The following MAX variants were observed in gnomAD, a reference collection of about 807,000 sequenced individuals.
The protein encoded by MAX is MYC associated transcriptional regulator X.
Under a neutral mutation model 22.3 loss-of-function variants are expected in MAX, and 3 were observed. The ratio of observed to expected loss-of-function variants is 0.13; its 90% confidence interval spans 0.06 to 0.35. The LOEUF (loss-of-function observed/expected upper bound fraction) is 0.35. MAX is among the 10% of genes least tolerant of loss of function. The pLI, the probability that MAX is intolerant of heterozygous loss-of-function variation, is 1.00. For missense variants in MAX, 119 were observed against 209.4 expected (o/e 0.57, Z 2.66); for synonymous variants, 72 against 77.7 (o/e 0.93, Z 0.39).
intron 3 of MAX, among the ~76,000 whole-genome samples, chr14:65,024,328 A>C (rs1595045850): frequency 2.0e-5 from 3 of 151,820 alleles, no homozygotes; most frequent in Admixed American, 2.0e-4. Flanking sequence ...GGGTGTTGGG[A>C]TTTTTTTAAA....
Position 65,102,464 on chromosome 14 carries a change from C to G in MAX, c.-125G>C. 3 of 1,527,178 alleles carry G rather than the reference C, an allele frequency of 2.0e-6. No homozygotes were observed. Among genetic ancestry groups the G allele is most frequent in the Non-Finnish European group, 2.6e-6 (3 of 1,138,780 alleles). The allele number at this position is 1,527,178 out of a possible 1,614,324, so 94.6% of individuals were successfully genotyped here. A position where few individuals can be genotyped will look rare whatever the true frequency, so the allele number is the denominator to read the frequency against. Reference sequence around the variant, plus strand: ...ACACACACACTCACTCACTCACTCACTCGCTCTCTCACTCACACACACACA... The same window carrying G: ...ACACACACACTCACTCACTCACTCAGTCGCTCTCTCACTCACACACACACA... On this transcript the variant is annotated 5_prime_UTR_variant, in exon 1 of 5. Transcript: ENST00000358664.
At position 65,093,667 on chromosome 14, in the gene MAX, G is replaced by A. The variant is rs752952542; in HGVS notation, c.171+41C>T. 16 of 1,051,198 alleles carry A rather than the reference G, an allele frequency of 1.5e-5. No individual in the cohort carries two copies. Among genetic ancestry groups the A allele is most frequent in the Non-Finnish European group, 1.8e-5 (12 of 665,610 alleles). The allele number at this position is 1,051,198 out of a possible 1,614,324, so 65.1% of individuals were successfully genotyped here. ...TGCTAAGCTCTGCAACAAGTTCCAA[G>A]CTAGTAGTGGCCAGCTACTCAGCTT... On this transcript the variant is annotated intron_variant, in intron 3 of 4. Transcript: ENST00000358664. This position sits in a 1 kb window ranked among gnomAD's most constrained non-coding sequence, Gnocchi z 4.4.
rs972111807 is a variant in MAX at position 65,079,058 on chromosome 14, A to T, written c.172-1022T>A. 4.6e-5 allele frequency among the ~76,000 whole-genome samples: 7 copies of T among 152,214 alleles called. No individual in the cohort carries two copies. The highest frequency in any genetic ancestry group is 4.4e-5 in the Non-Finnish European group (3 of 68,042). ...TTCTTTAGGTTGCTTTAAAGTCTTT[A>T]GCTTGGCTATGTCTGGAAACATTAA... On this transcript the variant is annotated intron_variant, in intron 3 of 4. Transcript: ENST00000358664. The surrounding 1 kb of genome is among the most constrained non-coding windows in gnomAD (Gnocchi z 4.5).
rs1039766806 is a variant in MAX at position 65,078,527 on chromosome 14, GTTGTTGTTT to G, written c.172-500_172-492del. On this transcript the variant is annotated intron_variant, in intron 3 of 4. Transcript: ENST00000358664. The surrounding 1 kb of genome is among the most constrained non-coding windows in gnomAD (Gnocchi z 6.4). ...CGCCCAGCCTGTTGTTGTTGTTGTT[GTTGTTGTTT>G]TTTTTTTTTTGGAGACGTAGTCTCG... is the stretch of plus-strand genomic sequence containing the variant. Among the ~76,000 whole-genome samples the G allele has an allele frequency of 1.3e-5, 2 of 148,344 alleles. No homozygotes were observed. Among genetic ancestry groups the G allele is most frequent in the African/African-American group, 4.9e-5 (2 of 40,472 alleles).
chr14:65,010,228 T>A (rs1021761036), intron 3 of MAX, among the ~76,000 whole-genome samples: 40 of 152,210 alleles, frequency 2.6e-4, no homozygotes, highest in African/African-American at 8.9e-4. Context: ...AACTCTCCTG[T>A]TTCTCTCCTT....
intron 3 of MAX, among the ~76,000 whole-genome samples, chr14:65,058,671 G>A (rs946010022): frequency 6.6e-6 from 1 of 152,282 alleles, no homozygotes; most frequent in Non-Finnish European, 1.5e-5. Context: ...GTTAGTTTCA[G>A]TCATAAGGTA....
At chr14:65,016,929 T>G (rs1474377044) in intron 3 of MAX, among the ~76,000 whole-genome samples, 1 of 146,026 alleles carries the variant, frequency 6.8e-6, no homozygotes, top group African/African-American at 2.5e-5. Context: ...GGTTTTTTTT[T>G]TTTTTTTTTT....
At chr14:65,053,283 C>A in intron 3 of MAX, 1 of 1,466,018 alleles carries the variant, frequency 6.8e-7, no homozygotes, top group South Asian at 1.4e-5. Flanking sequence ...CATCAGCAGG[C>A]CCTGCAGGAG....
rs1272592708 is a variant in MAX, at chr14:65,078,772, C to T, written c.172-736G>A. Among the ~76,000 whole-genome samples, 1 of 152,076 alleles carries T rather than the reference C, an allele frequency of 6.6e-6. No individual in the cohort carries two copies. Among genetic ancestry groups the T allele is most frequent in the Non-Finnish European group, 1.5e-5 (1 of 68,010 alleles). On this transcript the variant is annotated intron_variant, in intron 3 of 4. Transcript: ENST00000358664. The surrounding 1 kb of genome is among the most constrained non-coding windows in gnomAD (Gnocchi z 6.4). ...CTCAAACTCCTCACCTCAGGTGATC[C>T]ACCTACCTCGGCCTCCCAAACTGCT...
chr14:65,089,720 A>T lies in MAX; in HGVS notation c.171+3988T>A, dbSNP rs528153634. On this transcript the variant is annotated intron_variant, in intron 3 of 4. Transcript: ENST00000358664. The stretch of plus-strand genomic sequence containing the variant: ...CACTCCCTAGTACCCAAGCAAGGAC[A>T]CTTAAATAATACTTTCTATAAAAGT... Among the ~76,000 whole-genome samples the T allele has an allele frequency of 1.0e-3, 146 of 139,544 alleles. 2 individuals are homozygous for T. Among genetic ancestry groups the T allele is most frequent in the African/African-American group, 3.8e-3 (141 of 37,236 alleles). 91.5% of individuals were successfully genotyped at this position (139,544 alleles called of 152,430 possible).
At chr14:65,049,521 G>C (rs1659231112) in intron 3 of MAX, among the ~76,000 whole-genome samples, 1 of 152,110 alleles carries the variant, frequency 6.6e-6, no homozygotes, top group South Asian at 2.1e-4. Flanking sequence ...ATGTGTGCTG[G>C]TGTCCAAATT....
intron 3 of MAX, among the ~76,000 whole-genome samples, chr14:65,057,256 GT>G (rs1445294404): frequency 6.6e-6 from 1 of 152,184 alleles, no homozygotes; most frequent in East Asian, 1.9e-4. Context: ...TGTTTTTGGT[GT>G]TTTTTTGTTA....
At position 65,016,837 on chromosome 14, in the gene MAX, C is replaced by T. The variant is rs145983451; in HGVS notation, c.172-10553G>A. On this transcript the variant is annotated intron_variant, in intron 3 of 3. Transcript: ENST00000341653. ...TGATCATCGGGATGCCACTGCAAGC[C>T]TGGCTGCTTCCAGCACTGGAAGGAG... Among the ~76,000 whole-genome samples, 352 of 151,950 alleles carry T rather than the reference C, an allele frequency of 2.3e-3. 2 individuals are homozygous for T. Among genetic ancestry groups the T allele is most frequent in the African/African-American group, 8.1e-3 (337 of 41,410 alleles).
rs1238916078 is a variant in MAX, at chr14:65,078,528, T to C, written c.172-492A>G. Among the ~76,000 whole-genome samples, 1 of 150,506 alleles carries C rather than the reference T, an allele frequency of 6.6e-6. No individual in the cohort carries two copies. Among genetic ancestry groups the C allele is most frequent in the African/African-American group, 2.4e-5 (1 of 40,872 alleles). On this transcript the variant is annotated intron_variant, in intron 3 of 4. Coordinates refer to ENST00000358664, the MANE Select transcript of MAX (RefSeq NM_002382.5). This position sits in a 1 kb window ranked among gnomAD's most constrained non-coding sequence, Gnocchi z 6.4. ...GCCCAGCCTGTTGTTGTTGTTGTTG[T>C]TGTTGTTTTTTTTTTTTTGGAGACG... is the stretch of plus-strand genomic sequence containing the variant.
Position 65,076,761 on chromosome 14 carries a change from G to T in MAX, c.296-98C>A. On this transcript the variant is annotated intron_variant, in intron 4 of 4. Coordinates refer to ENST00000358664, the MANE Select transcript of MAX (RefSeq NM_002382.5). The surrounding 1 kb of genome is among the most constrained non-coding windows in gnomAD (Gnocchi z 6.6). ...TCCAGCCTGTTCTTCCTAAGGGCTT[G>T]CTTGTTGGCCCCCGAGGCTCAAGAT... The T allele has an allele frequency of 1.4e-6, 2 of 1,451,630 alleles. No homozygotes were observed. The highest frequency in any genetic ancestry group is 1.9e-6 in the Non-Finnish European group (2 of 1,034,262). 89.9% of individuals were successfully genotyped at this position (1,451,630 alleles called of 1,614,324 possible).
chr14:65,074,973 G>A (rs1480104180), downstream of MAX, among the ~76,000 whole-genome samples: 1 of 152,102 alleles, frequency 6.6e-6, no homozygotes, highest in African/African-American at 2.4e-5. Context: ...GAAAGGGGAA[G>A]CAACTCTGGC....
chr14:65,035,222 G>C (rs1415272538), intron 3 of MAX, among the ~76,000 whole-genome samples: 2 of 152,130 alleles, frequency 1.3e-5, no homozygotes, highest in Non-Finnish European at 2.9e-5. Flanking sequence ...TGCTGCTGCC[G>C]CCCTGGGCTA....
In MAX at chr14:65,102,385, G is replaced by C; in HGVS notation, c.-46C>G. On this transcript the variant is annotated 5_prime_UTR_variant, in exon 1 of 5. Coordinates refer to ENST00000358664, the MANE Select transcript of MAX (RefSeq NM_002382.5). ...GCCACTGCAGCGGCGGCGGGGAGGG[G>C]AAGGGGTGAAGGGGAGGGGGAAGTC... The C allele has an allele frequency of 6.2e-7, 1 of 1,601,394 alleles. No homozygotes were observed. The highest frequency in any genetic ancestry group is 1.1e-5 in the South Asian group (1 of 89,170).
chr14:65,015,554 A>G (rs1181900304), intron 3 of MAX: 1 of 1,557,738 alleles, frequency 6.4e-7, no homozygotes, highest in South Asian at 1.1e-5. Context: ...AGTGAGACAG[A>G]TACAGCCTTG....
Sources: allele counts gnomAD v4.1 joint callset (sites outside exome capture counted in the v4.1 genomes callset), GRCh38; gene constraint gnomAD v4.1.1; non-coding constraint Gnocchi (gnomAD v3.1); transcripts MANE v1.5; gene names NCBI Gene and HGNC (gene_info 2026-07-23, HGNC 2026-07-21).